The following ABCC12 variants were observed in gnomAD, a reference collection of about 807,000 sequenced individuals.
The protein encoded by ABCC12 is ATP binding cassette subfamily C member 12.
Under a neutral mutation model 151.1 loss-of-function variants are expected in ABCC12, and 142 were observed. That is an observed-to-expected ratio of 0.94 (90% CI 0.82 to 1.08). The LOEUF (loss-of-function observed/expected upper bound fraction) is 1.08, where lower values mean the gene tolerates loss of function less well. Ranked by LOEUF, ABCC12 falls within the 50% of genes least tolerant of loss-of-function variation. ABCC12 has a pLI of 0.00. For missense variants in ABCC12, 1,638 were observed against 1,691.1 expected, an observed-to-expected ratio of 0.97 and a Z score of 0.55; for synonymous variants, 645 against 646.4, an observed-to-expected ratio of 1.00 and a Z score of 0.03.
chr16:48,147,357 G>A (rs973881970), intron 2 of ABCC12, among the ~76,000 whole-genome samples: 4 of 152,122 alleles, frequency 2.6e-5, no homozygotes, highest in African/African-American at 9.7e-5. Context: ...ATACCCTATA[G>A]ATAAATTCTC....
At chr16:48,109,258 C>T (rs1429684934) in intron 18 of ABCC12, among the ~76,000 whole-genome samples, 3 of 152,144 alleles carry the variant, frequency 2.0e-5, no homozygotes, top group East Asian at 1.9e-4. Context: ...AGAAAACCAG[C>T]GTATCCCCCT....
At position 48,083,495 on chromosome 16, in the gene ABCC12, G is replaced by A; in HGVS notation, c.*220C>T. The A allele has an allele frequency of 1.8e-6, 1 of 547,472 alleles. No homozygotes were observed. The highest frequency in any genetic ancestry group is 3.2e-6 in the Non-Finnish European group (1 of 315,266). 33.9% of individuals were successfully genotyped at this position (547,472 alleles called of 1,614,324 possible). ...GGCAGTTTTTTAATCCATTAGCTGGGTCTGCCCCGGTTCACCACCCAGAAC... is the reference window on the plus strand; with the variant it reads ...GGCAGTTTTTTAATCCATTAGCTGGATCTGCCCCGGTTCACCACCCAGAAC... On this transcript the variant is annotated 3_prime_UTR_variant, in exon 31 of 31. Transcript: ENST00000311303.
chr16:48,098,759 T>C (rs974423910), intron 23 of ABCC12, among the ~76,000 whole-genome samples: 2 of 152,230 alleles, frequency 1.3e-5, no homozygotes, highest in African/African-American at 2.4e-5. Context: ...GCAAATGCAA[T>C]ACACGTCAGA....
Position 48,121,755 on chromosome 16 carries a change from C to G in ABCC12, c.1673G>C (p.Arg558Thr). Residue 558 changes from arginine to threonine, a missense_variant, in exon 13 of 31, where the codon AGA becomes ACA. Physicochemically the swap from Arg to Thr is moderately conservative, Grantham distance 71. Coordinates refer to ENST00000311303, the MANE Select transcript of ABCC12 (RefSeq NM_001393797.1). ...QQAWIFHGNV[R>T]ENILFGEKYD... ...CTTTTCTCCAAAGAGTATGTTTTCT[C>G]TCACATTTCCATGAAAGATCCATGC... 1 of 1,614,170 alleles carries G rather than the reference C, an allele frequency of 6.2e-7. No individual in the cohort carries two copies. The highest frequency in any genetic ancestry group is 8.5e-7 in the Non-Finnish European group (1 of 1,180,018).
At chr16:48,109,441 G>A (rs1055185715) in intron 18 of ABCC12, among the ~76,000 whole-genome samples, 1 of 152,200 alleles carries the variant, frequency 6.6e-6, no homozygotes, top group African/African-American at 2.4e-5. Flanking sequence ...TGTCTCTTCC[G>A]CTCCTCCACA....
chr16:48,152,423 C>T (rs1012414702), intron 2 of ABCC12, among the ~76,000 whole-genome samples: 5 of 152,210 alleles, frequency 3.3e-5, no homozygotes, highest in African/African-American at 4.8e-5. Context: ...CTGCAACTGC[C>T]GGGCACAGCG....
At chr16:48,091,066 C>A in intron 25 of ABCC12, 54 bp downstream of exon 25, 1 of 1,561,058 alleles carries the variant, frequency 6.4e-7, no homozygotes, top group South Asian at 1.1e-5. Context: ...CAGTATTTGC[C>A]CAAGTCCTGC....
Position 48,082,341 on chromosome 16 carries a change from G to A in ABCC12, c.*1374C>T, listed in dbSNP as rs1234468258. Among the ~76,000 whole-genome samples the A allele has an allele frequency of 2.6e-5, 4 of 152,322 alleles. No individual in the cohort carries two copies. The East Asian group carries it at 5.8e-4, about 22-fold the overall frequency. ...GGTAGACCCCTGCCCAGGCCTGGCCGGAGGAGGGCTGGAGAATAATCGGTT... is the reference window on the plus strand; with the variant it reads ...GGTAGACCCCTGCCCAGGCCTGGCCAGAGGAGGGCTGGAGAATAATCGGTT... On this transcript the variant is annotated 3_prime_UTR_variant, in exon 31 of 31. Coordinates refer to ENST00000311303, the MANE Select transcript of ABCC12 (RefSeq NM_001393797.1).
rs1429335721 is a variant in ABCC12, at chr16:48,130,813, G to A, written c.1211C>T (p.Ala404Val). The change falls in exon 10 of 31, where the codon GCG becomes GTG. Residue 404 changes from alanine to valine, a missense_variant. Ala to Val is a moderately conservative substitution (Grantham distance 64). Coordinates refer to ENST00000311303, the MANE Select transcript of ABCC12 (RefSeq NM_001393797.1). ...LPFSIKAMAE[A>V]NVSLRRMKKI... ...CTTCATTCTCCTTAGAGAGACATTCGCTTCAGCCATTGCTTTGATGGAGAA... is the reference window on the plus strand; with the variant it reads ...CTTCATTCTCCTTAGAGAGACATTCACTTCAGCCATTGCTTTGATGGAGAA... 17 of 1,612,840 alleles carry A rather than the reference G, an allele frequency of 1.1e-5. No homozygotes were observed. Among genetic ancestry groups the A allele is most frequent in the Admixed American group, 3.3e-5 (2 of 60,030 alleles).
intron 9 of ABCC12, among the ~76,000 whole-genome samples, chr16:48,132,593 T>G (rs754463816): frequency 1.4e-4 from 22 of 152,238 alleles, no homozygotes; most frequent in Non-Finnish European, 2.2e-4. Flanking sequence ...AGTTGGTTTT[T>G]TCTTTATTTA....
chr16:48,093,315 C>T (rs1429113968), intron 24 of ABCC12, among the ~76,000 whole-genome samples: 2 of 152,186 alleles, frequency 1.3e-5, no homozygotes, highest in Non-Finnish European at 2.9e-5. Flanking sequence ...TTGCTCAAGC[C>T]ATGTGGGCTT....
rs1398861155 is a variant in ABCC12 at position 48,121,705 on chromosome 16, G to A, written c.1712+11C>T. 1 of 1,614,038 alleles carries A rather than the reference G, an allele frequency of 6.2e-7. No homozygotes were observed. The highest frequency in any genetic ancestry group is 8.5e-7 in the Non-Finnish European group (1 of 1,179,976). ...CACAAATGTGCCTCCTGCTTTAAAA[G>A]TTAATATTACCTTTGGTGATCATAC... On this transcript the variant is annotated intron_variant, in intron 13 of 30. Coordinates refer to ENST00000311303, the MANE Select transcript of ABCC12 (RefSeq NM_001393797.1).
rs77820237 is a variant in ABCC12, at chr16:48,136,390, C to G, written c.979+1838G>C. Among the ~76,000 whole-genome samples the G allele has an allele frequency of 8.1e-3, 1,241 of 152,272 alleles. 19 individuals are homozygous for G. The highest frequency in any genetic ancestry group is 0.029 in the African/African-American group (1,199 of 41,554). ...CAGTCTCCCCAACCCAGTGTGCTCC[C>G]CCATGGAGCATCTCTGTTTCTCTTG... On this transcript the variant is annotated intron_variant, in intron 8 of 30. Coordinates refer to ENST00000311303, the MANE Select transcript of ABCC12 (RefSeq NM_001393797.1).
intron 22 of ABCC12, among the ~76,000 whole-genome samples, chr16:48,102,638 C>T (rs1963346893): frequency 6.6e-6 from 1 of 152,190 alleles, no homozygotes; most frequent in African/African-American, 2.4e-5. Flanking sequence ...CAGAGCCACA[C>T]CTGCCCCTGC....
intron 10 of ABCC12, among the ~76,000 whole-genome samples, 170 bp downstream of exon 10, chr16:48,130,618 T>G (rs1023621051): frequency 4.6e-5 from 7 of 152,212 alleles, no homozygotes; most frequent in African/African-American, 1.4e-4. Flanking sequence ...CTGCCTGCTC[T>G]GTCCTTCATA....
intron 8 of ABCC12, 150 bp from the exon 9 acceptor site, chr16:48,133,985 G>A (rs780153398): frequency 7.4e-5 from 70 of 945,414 alleles, no homozygotes; most frequent in Admixed American, 8.2e-5. Flanking sequence ...AGAAAGCCCC[G>A]GGCACAAACC....
At chr16:48,151,207 CA>C (rs35825949) in intron 2 of ABCC12, among the ~76,000 whole-genome samples, 5 of 152,110 alleles carry the variant, frequency 3.3e-5, no homozygotes, top group African/African-American at 9.7e-5. Flanking sequence ...TATGATGGGG[CA>C]AAAAGGGCAC....
At chr16:48,148,819 T>C (rs555908084) in intron 2 of ABCC12, among the ~76,000 whole-genome samples, 46 of 151,656 alleles carry the variant, frequency 3.0e-4, no homozygotes, top group Non-Finnish European at 2.8e-4. Flanking sequence ...GACCAATTTC[T>C]GCTCAGCCTT....
intron 13 of ABCC12, 103 bp from the exon 14 acceptor site, chr16:48,117,436 G>A: frequency 7.8e-7 from 1 of 1,286,518 alleles, no homozygotes; most frequent in Admixed American, 2.0e-5. Flanking sequence ...GGCAAGGCCA[G>A]GGGTGGCGGC....
Sources: allele counts gnomAD v4.1 joint callset (sites outside exome capture counted in the v4.1 genomes callset), GRCh38; gene constraint gnomAD v4.1.1; transcripts MANE v1.5; gene names NCBI Gene and HGNC (gene_info 2026-07-23, HGNC 2026-07-21).